FBXW10: variants seen among roughly 807,000 people sequenced by gnomAD.
The protein encoded by FBXW10 is F-box and WD repeat domain containing 10, also known as F-box/WD repeat-containing protein 10.
In FBXW10, 68 loss-of-function variants were observed where a neutral mutation model predicts 113.1. The observed-to-expected ratio is 0.60, with a 90% CI of 0.49 to 0.74. FBXW10 has a LOEUF of 0.74. FBXW10 is among the 30% of genes least tolerant of loss of function. The probability of loss-of-function intolerance (pLI) is 0.00; values close to 1 mark genes in which losing one functional copy is unlikely to be tolerated. For missense variants in FBXW10, 753 were observed against 1,284.5 expected (o/e 0.59, Z 6.32); for synonymous variants, 289 against 481.6 (o/e 0.60, Z 5.24).
chr17:18,750,027 A>T lies in FBXW10; in HGVS notation c.889A>T (p.Thr297Ser). The T allele has an allele frequency of 6.2e-7, 1 of 1,613,656 alleles. No individual in the cohort carries two copies. Among genetic ancestry groups the T allele is most frequent in the South Asian group, 1.1e-5 (1 of 91,038 alleles). The change falls in exon 4 of 14, where the codon ACC (threonine) becomes TCC (serine). Residue 297 changes from threonine to serine, a missense_variant. By Grantham distance (58) the Thr-to-Ser change is moderately conservative. Transcript: ENST00000395665. ...TTTTCCAGGAATGCTGGATAGACAC[A>T]CCCTGAACAAGTGCGCCTCTGTGAG... ...KYILRMLDRH[T>S]LNKCASVSQH...
At chr17:18,763,569 C>A (rs1597598353) in intron 7 of FBXW10, among the ~76,000 whole-genome samples, 1 of 152,198 alleles carries the variant, frequency 6.6e-6, no homozygotes, top group East Asian at 1.9e-4. Flanking sequence ...GAATGGACTT[C>A]AGGCAGCCTT....
rs778607269 is a variant in FBXW10, at chr17:18,772,565, T to C, written c.2160T>C (p.Asn720=). ...NSLMEILSKC[N]IQVHSPRESV... ...TCATGGAAATTCTCTCTAAGTGTAA[T>C]ATTCAGGTTCACAGCCCAAGAGAGT... The change falls in exon 12 of 14, where the codon AAT becomes AAC. Residue 720 remains asparagine (N), a synonymous_variant. Coordinates refer to ENST00000395665, the MANE Select transcript of FBXW10 (RefSeq NM_001267585.2). 19 of 1,613,896 alleles carry C rather than the reference T, an allele frequency of 1.2e-5. No homozygotes were observed. The highest frequency in any genetic ancestry group is 2.2e-5 in the East Asian group (1 of 44,896).
At chr17:18,764,652 C>T (rs1377429569) in intron 7 of FBXW10, 90 bp from the exon 8 acceptor site, 2 of 1,579,404 alleles carry the variant, frequency 1.3e-6, no homozygotes, top group African/African-American at 1.4e-5. Flanking sequence ...CTGCTGCCTC[C>T]CAACTAACTA....
chr17:18,765,819 C>A (rs1013789051), intron 8 of FBXW10, among the ~76,000 whole-genome samples: 4 of 151,954 alleles, frequency 2.6e-5, no homozygotes, highest in African/African-American at 9.7e-5. Flanking sequence ...CTCTGCCTCC[C>A]GGGTTCAAGT....
In FBXW10 at chr17:18,772,443, A is replaced by G; in HGVS notation, c.2038A>G (p.Met680Val). 3 of 1,613,562 alleles carry G rather than the reference A, an allele frequency of 1.9e-6. No individual in the cohort carries two copies. Among genetic ancestry groups the G allele is most frequent in the Non-Finnish European group, 2.5e-6 (3 of 1,179,438 alleles). ...MVVNTESNVLMFQFEHIKWQY... is the reference protein window; with the variant it reads ...MVVNTESNVLVFQFEHIKWQY... ...GGTCAACACAGAGAGCAATGTTCTCATGTTCCAGTTTGAGCACATAAAGTG... is the reference window on the plus strand; with the variant it reads ...GGTCAACACAGAGAGCAATGTTCTCGTGTTCCAGTTTGAGCACATAAAGTG... Residue 680 changes from methionine to valine, a missense_variant, in exon 12 of 14, where the codon ATG (methionine) becomes GTG (valine). Transcript: ENST00000395665.
At position 18,772,591 on chromosome 17, in the gene FBXW10, C is replaced by A; in HGVS notation, c.2186C>A (p.Ser729Tyr). 1 of 1,613,684 alleles carries A rather than the reference C, an allele frequency of 6.2e-7. No individual in the cohort carries two copies. The highest frequency in any genetic ancestry group is 1.1e-5 in the South Asian group (1 of 91,060). The change falls in exon 12 of 14, where the codon TCT (serine) becomes TAT (tyrosine). Residue 729 changes from serine to tyrosine, a missense_variant. By Grantham distance (144) the Ser-to-Tyr change is moderately radical. Coordinates refer to ENST00000395665, the MANE Select transcript of FBXW10 (RefSeq NM_001267585.2). Reference sequence around the variant, plus strand: ...ATTCAGGTTCACAGCCCAAGAGAGTCTGTATCCAGTAAACAAACTGTGATC... The same window carrying A: ...ATTCAGGTTCACAGCCCAAGAGAGTATGTATCCAGTAAACAAACTGTGATC... ...CNIQVHSPRE[S>Y]VSSKQTVIQE...
chr17:18,758,641 T>A lies in FBXW10; in HGVS notation c.1433+136T>A. ...TACTGACTTCTAGAATACCTTCAGC[T>A]TTTTTTTGGCAAGGAAAAAGTCAGG... is the stretch of plus-strand genomic sequence containing the variant. On this transcript the variant is annotated intron_variant, in intron 7 of 13. Transcript: ENST00000395665. The A allele has an allele frequency of 8.8e-6, 3 of 341,288 alleles. 1 individual carries two copies. The highest frequency in any genetic ancestry group is 3.6e-4 in the Admixed American group (2 of 5,554). 21.1% of individuals were successfully genotyped at this position (341,288 alleles called of 1,614,324 possible).
Position 18,744,311 on chromosome 17 carries a change from A to G in FBXW10, c.67A>G (p.Ile23Val). The change falls in exon 1 of 14, where the codon ATC becomes GTC. Residue 23 changes from isoleucine (I) to valine (V), a missense_variant. Physicochemically the swap from Ile to Val is conservative, Grantham distance 29 (BLOSUM62 3). Coordinates refer to ENST00000395665, the MANE Select transcript of FBXW10 (RefSeq NM_001267585.2). ...TCGTTGTGAGAAGGGAACCGATTCC[A>G]TCCCTCTATGCCGGAAGTGTGAGAC... ...YFRCEKGTDS[I>V]PLCRKCETCV... 6.2e-7 allele frequency: 1 copy of G among 1,612,952 alleles called. No individual in the cohort carries two copies. The highest frequency in any genetic ancestry group is 8.5e-7 in the Non-Finnish European group (1 of 1,179,710).
rs551565010 is a variant in FBXW10 at position 18,763,451 on chromosome 17, C to T, written c.1434-1291C>T. 4.6e-5 allele frequency among the ~76,000 whole-genome samples: 7 copies of T among 152,092 alleles called. No homozygotes were observed. The South Asian group carries it at 1.5e-3, about 32-fold the overall frequency. ...GATTACAGGTGTGAGCCACCGTGCC[C>T]GGCTGTTAAGTACAATTATTATTCT... On this transcript the variant is annotated intron_variant, in intron 7 of 13. Transcript: ENST00000395665.
Position 18,751,011 on chromosome 17 carries a change from G to A in FBXW10, c.1080G>A (p.Lys360=), listed in dbSNP as rs1393060358. Reference sequence around the variant, plus strand: ...TTCCTAAAATGGTAGATGACGGGAAGAGCATGCGTGTGAAACATCCGAAGT... The same window carrying A: ...TTCCTAAAATGGTAGATGACGGGAAAAGCATGCGTGTGAAACATCCGAAGT... ...IPVPKMVDDG[K]SMRVKHPKWK... is the part of the protein sequence containing the mutation. The change falls in exon 5 of 14, where the codon AAG becomes AAA. Residue 360 remains lysine, a synonymous_variant. Coordinates refer to ENST00000395665, the MANE Select transcript of FBXW10 (RefSeq NM_001267585.2). The A allele has an allele frequency of 4.3e-6, 7 of 1,613,996 alleles. No individual in the cohort carries two copies. The Admixed American group carries it at 1.0e-4, about 23-fold the overall frequency.
rs1391352008 is a variant in FBXW10, at chr17:18,779,225, G to A, written c.3086G>A (p.Gly1029Asp). Reference sequence around the variant, plus strand: ...GCTGCATGGATCAGGAAGATCAAAGGCCTGCCTATTGATAATTTCACGAAG... The same window carrying A: ...GCTGCATGGATCAGGAAGATCAAAGACCTGCCTATTGATAATTTCACGAAG... ...SKAAWIRKIKGLPIDNFTKQG... is the reference protein window; with the variant it reads ...SKAAWIRKIKDLPIDNFTKQG... Residue 1029 changes from glycine to aspartate, a missense_variant, in exon 14 of 14, where the codon GGC becomes GAC. Gly to Asp is a moderately conservative substitution (Grantham distance 94). Coordinates refer to ENST00000395665, the MANE Select transcript of FBXW10 (RefSeq NM_001267585.2). The A allele has an allele frequency of 7.6e-7, 1 of 1,323,024 alleles. No individual in the cohort carries two copies. The highest frequency in any genetic ancestry group is 1.1e-6 in the Non-Finnish European group (1 of 942,652). The allele number at this position is 1,323,024 out of a possible 1,614,324, so 82.0% of individuals were successfully genotyped here. A position where few individuals can be genotyped will look rare whatever the true frequency, so the allele number is the denominator to read the frequency against.
intron 9 of FBXW10, among the ~76,000 whole-genome samples, chr17:18,768,010 C>CCTTCCTTCCTCCCTTT: frequency 9.1e-6 from 1 of 109,626 alleles, no homozygotes; most frequent in South Asian, 3.4e-4. Context: ...TTTTTCTTTT[C>CCTTCCTTCCTCCCTTT]CTTCCTTCCT....
At chr17:18,749,989 G>C (rs767505981) in intron 3 of FBXW10, 21 bp from the exon 4 acceptor site, 5 of 1,613,888 alleles carry the variant, frequency 3.1e-6, no homozygotes, top group Non-Finnish European at 4.2e-6. Flanking sequence ...GGGGTTTCTG[G>C]GTCCATCTTT....
At chr17:18,763,693 CAG>C (rs1270725152) in intron 7 of FBXW10, among the ~76,000 whole-genome samples, 1 of 152,202 alleles carries the variant, frequency 6.6e-6, no homozygotes, top group Non-Finnish European at 1.5e-5. Context: ...TGTTAAAAAA[CAG>C]ATAATTCATC....
intron 8 of FBXW10, 48 bp from the exon 9 acceptor site, chr17:18,766,666 C>T (rs2035502081): frequency 6.3e-7 from 1 of 1,594,214 alleles, no homozygotes; most frequent in Non-Finnish European, 8.6e-7. Context: ...TTTCCTTTTC[C>T]CCCTTTTTCC....
chr17:18,757,011 C>T (rs1033174210), intron 6 of FBXW10, among the ~76,000 whole-genome samples: 1 of 151,634 alleles, frequency 6.6e-6, no homozygotes, highest in East Asian at 1.9e-4. Context: ...GTATGACCAA[C>T]GGAATAAGGG....
chr17:18,745,171 A>G (rs1228060338), intron 1 of FBXW10: 19 of 1,015,720 alleles, frequency 1.9e-5, no homozygotes, highest in Non-Finnish European at 2.2e-5. Flanking sequence ...CCAGACCAAG[A>G]AGTCAAAACT....
intron 7 of FBXW10, among the ~76,000 whole-genome samples, chr17:18,762,221 C>T (rs1367567868): frequency 2.6e-5 from 4 of 151,972 alleles, no homozygotes; most frequent in Admixed American, 1.3e-4. Context: ...CTCGGCCTCC[C>T]AAAGTGCTGG....
At chr17:18,757,711 T>C (rs1473909067) in intron 6 of FBXW10, among the ~76,000 whole-genome samples, 2 of 152,250 alleles carry the variant, frequency 1.3e-5, no homozygotes, top group Non-Finnish European at 2.9e-5. Context: ...ATACATTATT[T>C]GGTCATCCTG....
Sources: gnomAD v4.1 joint callset for allele counts (sites outside exome capture counted in the v4.1 genomes callset) on GRCh38, gnomAD v4.1.1 for gene constraint, MANE v1.5 for transcripts, NCBI Gene and HGNC (gene_info 2026-07-23, HGNC 2026-07-21) for gene names.